ROBO2: variants seen among roughly 807,000 people sequenced by gnomAD.
The protein encoded by ROBO2 is roundabout homolog 2.
A neutral mutation model predicts 160.8 loss-of-function variants in ROBO2; 53 were observed. The ratio of observed to expected loss-of-function variants is 0.33; its 90% CI spans 0.26 to 0.41. ROBO2 has a LOEUF of 0.41. Among genes scored for constraint, ROBO2 ranks in the 10% least tolerant of loss-of-function variants. The probability of loss-of-function intolerance (pLI) is 1.00; values close to 1 mark genes in which losing one functional copy is unlikely to be tolerated. For synonymous variants in ROBO2, 664 were observed against 611.7 expected, an observed-to-expected ratio of 1.09 and a Z score of -1.26; for missense variants, 1,577 against 1,722.4, an observed-to-expected ratio of 0.92 and a Z score of 1.49.
intron 2 of ROBO2, among the ~76,000 whole-genome samples, chr3:75,958,154 C>T (rs1948785298): frequency 6.6e-6 from 1 of 151,734 alleles, no homozygotes; most frequent in African/African-American, 2.4e-5. Flanking sequence ...GAATTTGGTG[C>T]TGAACCAATT....
At chr3:75,994,410 G>A (rs973113706) in intron 2 of ROBO2, among the ~76,000 whole-genome samples, 23 of 152,132 alleles carry the variant, frequency 1.5e-4, no homozygotes, top group African/African-American at 4.6e-4. Context: ...CCCAGTGGGA[G>A]GTAACTGAAT....
intron 2 of ROBO2, among the ~76,000 whole-genome samples, chr3:76,388,618 A>G (rs1021867241): frequency 6.6e-6 from 1 of 152,208 alleles, no homozygotes; most frequent in East Asian, 1.9e-4. Flanking sequence ...TCATTGCTGT[A>G]CAACCAATTT....
At position 77,138,170 on chromosome 3, in the gene ROBO2, T is replaced by A. The variant is rs564453804; in HGVS notation, c.388+39830T>A. Among the ~76,000 whole-genome samples the A allele has an allele frequency of 6.6e-5, 10 of 152,352 alleles. No homozygotes were observed. In the South Asian group the frequency reaches 2.1e-3, roughly 32 times the overall value. ...GTCCTTACCAGCACTATAAGCAATT[T>A]TAGTTTCTCACTAGTTTTCATTTGC... On this transcript the variant is annotated intron_variant, in intron 2 of 25. Transcript: ENST00000461745.
chr3:77,238,561 G>GA (rs1246821679), intron 2 of ROBO2, among the ~76,000 whole-genome samples: 1 of 151,954 alleles, frequency 6.6e-6, no homozygotes, highest in Admixed American at 6.6e-5. Flanking sequence ...AGATTTGAAT[G>GA]AAAAAATATT....
At chr3:76,917,112 G>A (rs1387194928) in intron 2 of ROBO2, among the ~76,000 whole-genome samples, 1 of 152,222 alleles carries the variant, frequency 6.6e-6, no homozygotes, top group Non-Finnish European at 1.5e-5. Context: ...CATGGACAGG[G>A]TGGTATCCGT....
intron 2 of ROBO2, among the ~76,000 whole-genome samples, chr3:76,634,231 T>G (rs59317095): frequency 0.4 from 60,180 of 152,044 alleles, 12,006 homozygotes; most frequent in South Asian, 0.45. Context: ...TCTGTGCTCC[T>G]GCATCCCTGG....
chr3:76,054,995 C>T (rs552495324), intron 2 of ROBO2, among the ~76,000 whole-genome samples: 5 of 152,212 alleles, frequency 3.3e-5, no homozygotes, highest in Non-Finnish European at 5.9e-5. Context: ...AAGACATACC[C>T]GAGACTGGGT....
intron 2 of ROBO2, among the ~76,000 whole-genome samples, chr3:76,012,609 T>C (rs747391932): frequency 5.3e-5 from 8 of 152,178 alleles, no homozygotes; most frequent in Non-Finnish European, 1.2e-4. Flanking sequence ...TGGGGATATT[T>C]GTGACTGGAA....
intron 2 of ROBO2, among the ~76,000 whole-genome samples, chr3:77,457,136 A>G (rs1334571965): frequency 3.3e-5 from 5 of 152,128 alleles, no homozygotes; most frequent in Non-Finnish European, 2.9e-5. Flanking sequence ...TCTTGATAAC[A>G]TTCTCTAGGA....
rs1286277128 is a variant in ROBO2 at position 76,798,133 on chromosome 3, G to GA, written c.110-299879dup. 7.6e-3 allele frequency among the ~76,000 whole-genome samples: 410 copies of GA among 54,108 alleles called. 8 individuals are homozygous for GA. The highest frequency in any genetic ancestry group is 0.027 in the African/African-American group (391 of 14,686). The allele number at this position is 54,108 out of a possible 152,430, so 35.5% of individuals were successfully genotyped here. ...AGAAAGAAGAGAAAGAAGAAAGAAA[G>GA]AAGAAAGAGAAAGAAAGAAAGAAAG... On this transcript the variant is annotated intron_variant, in intron 2 of 26. Transcript: ENST00000487694.
intron 2 of ROBO2, among the ~76,000 whole-genome samples, chr3:76,082,740 G>T (rs932026544): frequency 6.6e-6 from 1 of 151,900 alleles, no homozygotes; most frequent in East Asian, 1.9e-4. Flanking sequence ...ATCATTACAG[G>T]AATAGTTATC....
intron 2 of ROBO2, among the ~76,000 whole-genome samples, chr3:77,236,680 G>A (rs558386098): frequency 6.6e-6 from 1 of 152,160 alleles, no homozygotes; most frequent in South Asian, 2.1e-4. Context: ...TAAAAATTCT[G>A]TTCTCCATCT....
Position 77,137,468 on chromosome 3 carries a change from C to T in ROBO2, c.388+39128C>T, listed in dbSNP as rs557123375. 2.0e-3 allele frequency among the ~76,000 whole-genome samples: 309 copies of T among 152,310 alleles called. 2 individuals carry two copies. The highest frequency in any genetic ancestry group is 6.6e-3 in the African/African-American group (274 of 41,578). On this transcript the variant is annotated intron_variant, in intron 2 of 25. Transcript: ENST00000461745. ...CTCGAACTCTCAACCTCAGGTCATC[C>T]GCCTGCCTCGGCCTCCCAAAGTGCT... is the stretch of plus-strand genomic sequence containing the variant.
intron 6 of ROBO2, among the ~76,000 whole-genome samples, chr3:77,525,666 A>G (rs2091068760): frequency 6.6e-6 from 1 of 151,192 alleles, no homozygotes; most frequent in African/African-American, 2.4e-5. Flanking sequence ...TAAAGATCTC[A>G]TTGGAAAAAT....
chr3:76,817,203 A>T (rs2065749330), intron 2 of ROBO2, among the ~76,000 whole-genome samples: 2 of 152,108 alleles, frequency 1.3e-5, no homozygotes, highest in African/African-American at 4.8e-5. Flanking sequence ...CCCATAACTT[A>T]AAGTGTAATA....
At chr3:76,445,125 GAT>G (rs1399226366) in intron 2 of ROBO2, among the ~76,000 whole-genome samples, 2 of 152,078 alleles carry the variant, frequency 1.3e-5, no homozygotes, top group African/African-American at 4.8e-5. Context: ...AGAAGGGAAA[GAT>G]ATTTTCTAAG....
At chr3:77,126,714 T>TATATATATATATATATA (rs1560065744) in intron 2 of ROBO2, among the ~76,000 whole-genome samples, 21 of 137,694 alleles carry the variant, frequency 1.5e-4, no homozygotes, top group African/African-American at 6.8e-4. Flanking sequence ...ATATATATAT[T>TATATATATATATATATA]TTTTTTCCTT....
At chr3:76,271,919 C>T (rs1464485745) in intron 2 of ROBO2, among the ~76,000 whole-genome samples, 1 of 152,014 alleles carries the variant, frequency 6.6e-6, no homozygotes, top group African/African-American at 2.4e-5. Flanking sequence ...TGTACAAAAC[C>T]CATCAGAATA....
chr3:76,821,496 G>A (rs1427119292), intron 2 of ROBO2, among the ~76,000 whole-genome samples: 7 of 151,888 alleles, frequency 4.6e-5, no homozygotes, highest in Non-Finnish European at 7.4e-5. Flanking sequence ...GAGAGAAACA[G>A]CATTGGCCCT....
Sources: allele counts gnomAD v4.1 joint callset (sites outside exome capture counted in the v4.1 genomes callset), GRCh38; gene constraint gnomAD v4.1.1; transcripts MANE v1.5; gene names NCBI Gene and HGNC (gene_info 2026-07-23, HGNC 2026-07-21).